DSC1: variants seen among roughly 807,000 people sequenced by gnomAD.
DSC1 encodes the protein desmocollin 1.
DSC1 carries 79 observed loss-of-function variants against 98.8 expected under a neutral mutation model. That is an observed-to-expected ratio of 0.80 (90% CI 0.67 to 0.96). The LOEUF is 0.96. Among genes scored for constraint, DSC1 ranks in the 50% least tolerant of loss-of-function variants. The pLI is 0.00. For missense variants in DSC1, 1,115 were observed against 1,075.9 expected, an observed-to-expected ratio of 1.04 and a Z score of -0.51; for synonymous variants, 405 against 372.1, an observed-to-expected ratio of 1.09 and a Z score of -1.02.
At chr18:31,144,938 TTC>T (rs1455304930) in intron 7 of DSC1, among the ~76,000 whole-genome samples, 2,264 of 103,614 alleles carry the variant, frequency 0.022, 145 homozygotes, top group African/African-American at 0.08. Flanking sequence ...TTCTTTTTCT[TTC>T]TTTTTTTTTT....
In DSC1 at chr18:31,134,236, G is replaced by A. The variant is rs373763257; in HGVS notation, c.1877-106C>T. ...GGGAATCAATTTAGAATAAAAACTC[G>A]AATTTTTCTTTTTTTTTTTGAATTT... On this transcript the variant is annotated intron_variant, in intron 12 of 15. Coordinates refer to ENST00000257198, the MANE Select transcript of DSC1 (RefSeq NM_024421.2). 1.1e-5 allele frequency: 15 copies of A among 1,395,494 alleles called. No homozygotes were observed. The East Asian group carries it at 1.4e-4, about 13-fold the overall frequency. The allele number at this position is 1,395,494 out of a possible 1,614,324, so 86.4% of individuals were successfully genotyped here.
At chr18:31,155,267 A>T (rs1989074171) in intron 4 of DSC1, among the ~76,000 whole-genome samples, 1 of 152,198 alleles carries the variant, frequency 6.6e-6, no homozygotes, top group Non-Finnish European at 1.5e-5. Flanking sequence ...AATTCTTTGG[A>T]ATTGAAAATT....
At chr18:31,134,287 G>A (rs1274488316) in intron 12 of DSC1, among the ~76,000 whole-genome samples, 157 bp from the exon 13 acceptor site, 1 of 151,426 alleles carries the variant, frequency 6.6e-6, no homozygotes, top group African/African-American at 2.4e-5. Context: ...AGCCAGAAAA[G>A]TAATTGATGT....
intron 13 of DSC1, among the ~76,000 whole-genome samples, chr18:31,133,517 A>G (rs1388938787): frequency 1.3e-5 from 2 of 152,226 alleles, no homozygotes; most frequent in Non-Finnish European, 2.9e-5. Flanking sequence ...TTCTTTTTGT[A>G]TGTATGTATT....
chr18:31,145,235 C>T (rs1988822264), intron 7 of DSC1, among the ~76,000 whole-genome samples: 1 of 152,192 alleles, frequency 6.6e-6, no homozygotes, highest in Admixed American at 6.5e-5. Context: ...AGCCACCGCG[C>T]CTGGCCCCCG....
rs754190209 is a variant in DSC1, at chr18:31,156,122, C to T, written c.392G>A (p.Arg131His). 1.9e-5 allele frequency: 30 copies of T among 1,613,996 alleles called. No individual in the cohort carries two copies. Among genetic ancestry groups the T allele is most frequent in the Admixed American group, 6.7e-5 (4 of 59,996 alleles). Residue 131 changes from arginine (R) to histidine (H), a missense_variant, in exon 4 of 16, where the codon CGC (arginine) becomes CAC (histidine). Coordinates refer to ENST00000257198, the MANE Select transcript of DSC1 (RefSeq NM_024421.2). ...KRHTKDTALK[R>H]SKRRWAPIPA... The stretch of plus-strand genomic sequence containing the variant: ...AATAGGAGCCCATCGTCTCTTGCTG[C>T]GCTTGAGGGCTGTGTCTTTGGTATG...
chr18:31,145,027 C>T (rs1988816621), intron 7 of DSC1, among the ~76,000 whole-genome samples: 1 of 151,204 alleles, frequency 6.6e-6, no homozygotes, highest in South Asian at 2.1e-4. Context: ...GCAAGCTCCG[C>T]CTCCCGGGTT....
At chr18:31,132,264 C>T (rs1466418598) in intron 14 of DSC1, 3 of 349,576 alleles carry the variant, frequency 8.6e-6, no homozygotes, top group Non-Finnish European at 1.6e-5. Flanking sequence ...AGTCCTGGAA[C>T]AGATCCCTCC....
Position 31,142,013 on chromosome 18 carries a change from G to A in DSC1, c.1246C>T (p.Leu416=), listed in dbSNP as rs757940347. The A allele has an allele frequency of 8.1e-6, 13 of 1,606,026 alleles. No individual in the cohort carries two copies. Among genetic ancestry groups the A allele is most frequent in the Admixed American group, 3.5e-5 (2 of 57,170 alleles). ...TATTTGTTTACCTTGACAACACACA[G>A]CACTCCTTCATTTGTATTTGGATCT... The part of the protein sequence containing the change: ...STDPNTNEGV[L]CVVKPLNYEV... The change falls in exon 9 of 16, where the codon CTG becomes TTG. Residue 416 remains leucine, a synonymous_variant. Coordinates refer to ENST00000257198, the MANE Select transcript of DSC1 (RefSeq NM_024421.2).
In DSC1 at chr18:31,140,377, A is replaced by C. The variant is rs1216362456; in HGVS notation, c.1261-76T>G. Reference sequence around the variant, plus strand: ...ACTTCTAATTTCAAATTTTCCTACAAAGGAATATCATTTTTACATTTAAAA... The same window carrying C: ...ACTTCTAATTTCAAATTTTCCTACACAGGAATATCATTTTTACATTTAAAA... On this transcript the variant is annotated intron_variant, in intron 9 of 15. Coordinates refer to ENST00000257198, the MANE Select transcript of DSC1 (RefSeq NM_024421.2). 2.8e-6 allele frequency: 4 copies of C among 1,404,194 alleles called. No homozygotes were observed. The Admixed American group carries it at 9.1e-5, about 32-fold the overall frequency. The allele number at this position is 1,404,194 out of a possible 1,614,324, so 87.0% of individuals were successfully genotyped here.
intron 5 of DSC1, among the ~76,000 whole-genome samples, chr18:31,149,191 A>G (rs1435595402): frequency 6.6e-6 from 1 of 152,200 alleles, no homozygotes; most frequent in Non-Finnish European, 1.5e-5. Flanking sequence ...GCCAGTATGT[A>G]TTTAATGTCC....
At chr18:31,157,675 G>A (rs924532728) in intron 2 of DSC1, 102 bp from the exon 3 acceptor site, 2 of 1,289,576 alleles carry the variant, frequency 1.6e-6, no homozygotes, top group East Asian at 2.3e-5. Flanking sequence ...AGCAGAAAAA[G>A]GGAGGTTACA....
At chr18:31,150,052 CCACCACCACCATCAT>C (rs1483718577) in intron 5 of DSC1, among the ~76,000 whole-genome samples, 2 of 144,934 alleles carry the variant, frequency 1.4e-5, no homozygotes, top group African/African-American at 5.1e-5. Flanking sequence ...ATCACCACCA[CCACCACCACCATCAT>C]CACCACCACC....
At position 31,139,813 on chromosome 18, in the gene DSC1, A is replaced by G. The variant is rs747983579; in HGVS notation, c.1598T>C (p.Leu533Pro). The stretch of plus-strand genomic sequence containing the variant: ...TTTTACAAATTTGGATTCTCTATCT[A>G]GTACTTTTAGAGTTCTCAAGTCGCC... ...HTGDLRTLKVLDRESKFVKNN... is the reference protein window; with the variant it reads ...HTGDLRTLKVPDRESKFVKNN... Residue 533 changes from leucine (L) to proline (P), a missense_variant, in exon 11 of 16, where the codon CTA (leucine) becomes CCA (proline). Transcript: ENST00000257198. 6.2e-7 allele frequency: 1 copy of G among 1,612,422 alleles called. No individual in the cohort carries two copies. Among genetic ancestry groups the G allele is most frequent in the South Asian group, 1.1e-5 (1 of 90,862 alleles).
chr18:31,147,193 G>C (rs113718278), intron 6 of DSC1, among the ~76,000 whole-genome samples: 2,055 of 151,900 alleles, frequency 0.014, 41 homozygotes, highest in African/African-American at 0.046. Context: ...GCCAAAAAAG[G>C]CAATGTATAT....
At chr18:31,146,750 G>A (rs890806722) in intron 6 of DSC1, among the ~76,000 whole-genome samples, 4 of 152,090 alleles carry the variant, frequency 2.6e-5, no homozygotes, top group South Asian at 4.1e-4. Flanking sequence ...GACCTTCTCT[G>A]CATACCTTGC....
Position 31,142,252 on chromosome 18 carries a change from C to T in DSC1, c.1075-68G>A, listed in dbSNP as rs529575943. On this transcript the variant is annotated intron_variant, in intron 8 of 15. Coordinates refer to ENST00000257198, the MANE Select transcript of DSC1 (RefSeq NM_024421.2). ...CAATGTAGCTTTATATTCTAAAACACGTATTTAAAGAAAAAAATAAATAAA... is the reference window on the plus strand; with the variant it reads ...CAATGTAGCTTTATATTCTAAAACATGTATTTAAAGAAAAAAATAAATAAA... The T allele has an allele frequency of 3.5e-5, 53 of 1,493,474 alleles. No individual in the cohort carries two copies. The Middle Eastern group carries it at 2.5e-3, about 69-fold the overall frequency. The allele number at this position is 1,493,474 out of a possible 1,614,324, so 92.5% of individuals were successfully genotyped here. A position where few individuals can be genotyped will look rare whatever the true frequency, so the allele number is the denominator to read the frequency against.
chr18:31,156,578 A>G (rs888693750), intron 3 of DSC1, among the ~76,000 whole-genome samples: 4 of 152,250 alleles, frequency 2.6e-5, no homozygotes, highest in Non-Finnish European at 4.4e-5. Flanking sequence ...TTGCTCAAGT[A>G]TACTTGATTT....
At chr18:31,155,740 T>C (rs1050221894) in intron 4 of DSC1, among the ~76,000 whole-genome samples, 3 of 152,226 alleles carry the variant, frequency 2.0e-5, no homozygotes, top group Admixed American at 6.5e-5. Context: ...AACATGTAGG[T>C]GTGCCTTCTG....
Sources: allele counts gnomAD v4.1 joint callset (sites outside exome capture counted in the v4.1 genomes callset), GRCh38; gene constraint gnomAD v4.1.1; transcripts MANE v1.5; gene names NCBI Gene and HGNC (gene_info 2026-07-23, HGNC 2026-07-21).